Variants in NEBL observed in about 807,000 individuals in gnomAD.
NEBL encodes the protein LIM and SH3 protein 2.
A neutral mutation model predicts 140.2 loss-of-function variants in NEBL; 122 were observed. That is an observed-to-expected ratio of 0.87 (90% CI 0.75 to 1.01). NEBL has a LOEUF of 1.01. Ranked by LOEUF, NEBL falls within the 50% of genes least tolerant of loss-of-function variation. The pLI is 0.00. For missense variants in NEBL, 1,365 were observed against 1,231.3 expected (o/e 1.11, Z -1.62); for synonymous variants, 436 against 398.9 (o/e 1.09, Z -1.11).
intron 14 of NEBL, 144 bp downstream of exon 14, chr10:20,835,369 A>G: frequency 2.6e-6 from 2 of 759,606 alleles, no homozygotes; most frequent in East Asian, 2.5e-5. Flanking sequence ...TCAAACTGGC[A>G]TAATGCTTCG....
intron 2 of NEBL, among the ~76,000 whole-genome samples, chr10:21,056,363 C>T (rs1165719609): frequency 6.6e-6 from 1 of 152,184 alleles, no homozygotes; most frequent in Non-Finnish European, 1.5e-5. Context: ...ATCAGACAAT[C>T]AGGAGTTACT....
chr10:20,886,908 A>G (rs1003298573), intron 4 of NEBL, among the ~76,000 whole-genome samples: 4 of 152,220 alleles, frequency 2.6e-5, no homozygotes, highest in Non-Finnish European at 5.9e-5. Context: ...TTAAAATTCC[A>G]CAAAATCCAT....
chr10:21,103,263 A>T (rs928902654), intron 2 of NEBL, among the ~76,000 whole-genome samples: 1 of 145,060 alleles, frequency 6.9e-6, no homozygotes, highest in Non-Finnish European at 1.5e-5. Context: ...CCCAGGCTGG[A>T]GTGCAGTGGC....
rs1841157227 is a variant in NEBL, at chr10:21,173,151, G to A, written c.69+614C>T. Among the ~76,000 whole-genome samples the A allele has an allele frequency of 6.6e-6, 1 of 152,228 alleles. No homozygotes were observed. Among genetic ancestry groups the A allele is most frequent in the East Asian group, 1.9e-4 (1 of 5,188 alleles). ...CCCTGCCCGGGAAGGGCAGGGGGCA[G>A]GGCTGGAGGGGCCCGGCTACAGAAC... is the stretch of plus-strand genomic sequence containing the variant. On this transcript the variant is annotated intron_variant, in intron 1 of 6. Transcript: ENST00000417816. This position sits in a 1 kb window ranked among gnomAD's most constrained non-coding sequence, Gnocchi z 5.7.
intron 3 of NEBL, among the ~76,000 whole-genome samples, chr10:21,223,566 G>A (rs983576537): frequency 1.3e-5 from 2 of 152,190 alleles, no homozygotes; most frequent in Admixed American, 6.5e-5. Flanking sequence ...TATACACCTA[G>A]CAGTGCGATT....
intron 2 of NEBL, among the ~76,000 whole-genome samples, chr10:21,166,092 C>A (rs1366467373): frequency 6.6e-6 from 1 of 151,596 alleles, no homozygotes; most frequent in South Asian, 2.1e-4. Context: ...TGGTGGCGGG[C>A]GCCTGAAGTC....
At chr10:21,206,398 A>G (rs566699797) in intron 3 of NEBL, among the ~76,000 whole-genome samples, 1 of 152,332 alleles carries the variant, frequency 6.6e-6, no homozygotes, top group African/African-American at 2.4e-5. Flanking sequence ...AAAATTCAGA[A>G]GTCGTTCCTT....
Position 20,922,686 on chromosome 10 carries a change from G to A in NEBL, c.357+38986C>T, listed in dbSNP as rs115378522. On this transcript the variant is annotated intron_variant, in intron 4 of 6. Coordinates refer to the NEBL transcript ENST00000417816. ...AAATATAGGCAGAGTCAAGGAGGCC[G>A]TCCAGAATGCAGCCCAGCATGGGTG... 5.7e-3 allele frequency among the ~76,000 whole-genome samples: 874 copies of A among 152,284 alleles called. 5 individuals carry two copies. The highest frequency in any genetic ancestry group is 0.017 in the African/African-American group (696 of 41,550).
At chr10:20,925,527 T>G (rs775033538) in intron 4 of NEBL, among the ~76,000 whole-genome samples, 1 of 152,160 alleles carries the variant, frequency 6.6e-6, no homozygotes, top group Non-Finnish European at 1.5e-5. Flanking sequence ...ATGGACTTCC[T>G]CACACCAATA....
At chr10:21,175,205 T>C (rs1841270679), upstream of NEBL, among the ~76,000 whole-genome samples, 1 of 152,212 alleles carries the variant, frequency 6.6e-6, no homozygotes, top group Admixed American at 6.5e-5. Flanking sequence ...TCTAATGATG[T>C]GACCTTCTGC....
chr10:21,140,930 C>T (rs950922106), intron 2 of NEBL, among the ~76,000 whole-genome samples: 1 of 151,628 alleles, frequency 6.6e-6, no homozygotes, highest in African/African-American at 2.4e-5. Context: ...GCATGTTCTG[C>T]ACATGTTTCC....
At chr10:21,168,286 T>C (rs887645452) in intron 2 of NEBL, among the ~76,000 whole-genome samples, 10 of 152,222 alleles carry the variant, frequency 6.6e-5, no homozygotes, top group South Asian at 4.1e-4. Context: ...CAAATGTCTA[T>C]GCTCATGGTT....
chr10:21,024,048 G>T (rs1838918326), intron 2 of NEBL, among the ~76,000 whole-genome samples: 1 of 149,184 alleles, frequency 6.7e-6, no homozygotes, highest in Non-Finnish European at 1.5e-5. Context: ...AGTTCTATTT[G>T]GAAAAAGTGT....
chr10:20,924,877 A>G (rs1286278298), intron 4 of NEBL, among the ~76,000 whole-genome samples: 2 of 152,120 alleles, frequency 1.3e-5, no homozygotes, highest in South Asian at 2.1e-4. Context: ...CGAGGGGTAC[A>G]TGGTCCCTGA....
intron 24 of NEBL, among the ~76,000 whole-genome samples, chr10:20,811,269 G>GC (rs1314307132): frequency 6.6e-6 from 1 of 152,114 alleles, no homozygotes; most frequent in Non-Finnish European, 1.5e-5. Flanking sequence ...AATTCTGAGA[G>GC]CCCACGGTCT....
chr10:21,221,229 T>C (rs1397261014), intron 3 of NEBL, among the ~76,000 whole-genome samples: 1 of 152,184 alleles, frequency 6.6e-6, no homozygotes, highest in Non-Finnish European at 1.5e-5. Flanking sequence ...TCACAATGTA[T>C]ACATATATAA....
intron 13 of NEBL, among the ~76,000 whole-genome samples, chr10:20,838,360 T>C (rs898440834): frequency 1.3e-5 from 2 of 152,142 alleles, no homozygotes; most frequent in African/African-American, 4.8e-5. Context: ...GCAGTGGAAA[T>C]AGCAAGAGAA....
chr10:20,816,622 T>C (rs1276792490), intron 21 of NEBL, among the ~76,000 whole-genome samples: 1 of 152,202 alleles, frequency 6.6e-6, no homozygotes, highest in Non-Finnish European at 1.5e-5. Context: ...ACTTTAAAGG[T>C]GTGAAGAATA....
intron 2 of NEBL, among the ~76,000 whole-genome samples, chr10:21,070,184 G>A (rs1267462274): frequency 6.6e-6 from 1 of 152,204 alleles, no homozygotes; most frequent in African/African-American, 2.4e-5. Context: ...TACCCGGACT[G>A]TTATGGAAAG....
Sources: allele counts gnomAD v4.1 joint callset (sites outside exome capture counted in the v4.1 genomes callset), GRCh38; gene constraint gnomAD v4.1.1; non-coding constraint Gnocchi (gnomAD v3.1); transcripts MANE v1.5; gene names NCBI Gene and HGNC (gene_info 2026-07-23, HGNC 2026-07-21).